PLEKHA7: variants seen among roughly 807,000 people sequenced by gnomAD.
PLEKHA7 encodes the protein pleckstrin homology domain-containing family A member 7.
In PLEKHA7, 104 loss-of-function variants were observed where a neutral mutation model predicts 170.0. The observed-to-expected ratio is 0.61, with a 90% CI of 0.52 to 0.72. The LOEUF is 0.72. Among genes scored for constraint, PLEKHA7 ranks in the 30% least tolerant of loss-of-function variants. PLEKHA7 has a pLI of 0.00. For missense variants in PLEKHA7, 1,615 were observed against 1,671.7 expected (o/e 0.97, Z 0.59); for synonymous variants, 648 against 660.8 (o/e 0.98, Z 0.30).
chr11:16,889,400 CAAAAAAAA>C (rs869268116), intron 3 of PLEKHA7, among the ~76,000 whole-genome samples: 6 of 52,730 alleles, frequency 1.1e-4, no homozygotes, highest in African/African-American at 3.5e-4. Context: ...CTTTATTGCT[CAAAAAAAA>C]AAAAAAAAAA....
intron 15 of PLEKHA7, among the ~76,000 whole-genome samples, chr11:16,802,156 G>A (rs574853401): frequency 1.3e-5 from 2 of 152,238 alleles, no homozygotes; most frequent in South Asian, 4.2e-4. Context: ...AGCCTCCTAG[G>A]GAAAAGAGTA....
intron 23 of PLEKHA7, chr11:16,788,859 T>G (rs780336116): frequency 1.7e-6 from 1 of 590,586 alleles, no homozygotes; most frequent in East Asian, 2.8e-5. Context: ...TGACTGGGTA[T>G]TTCCTCAGGC....
chr11:16,816,760 A>G (rs762898904), intron 11 of PLEKHA7, 40 bp downstream of exon 11: 1 of 1,588,690 alleles, frequency 6.3e-7, no homozygotes, highest in Non-Finnish European at 8.6e-7. Flanking sequence ...TGGCGCCCTC[A>G]TGATGACCCA....
At chr11:16,982,332 A>C (rs1863478243) in intron 3 of PLEKHA7, among the ~76,000 whole-genome samples, 1 of 152,208 alleles carries the variant, frequency 6.6e-6, no homozygotes, top group Admixed American at 6.5e-5. Flanking sequence ...CACCTCTGGG[A>C]CACAGGCAAG....
chr11:16,792,532 T>TAA (rs5789963), intron 19 of PLEKHA7, among the ~76,000 whole-genome samples: 6 of 136,162 alleles, frequency 4.4e-5, no homozygotes, highest in Non-Finnish European at 3.2e-5. Flanking sequence ...GTACTAAAAT[T>TAA]AAAAAAAAAA....
chr11:17,001,580 T>C (rs1056849537), intron 3 of PLEKHA7, among the ~76,000 whole-genome samples: 1 of 152,134 alleles, frequency 6.6e-6, no homozygotes, highest in Non-Finnish European at 1.5e-5. Flanking sequence ...AGGGCTGGAA[T>C]GGGATCTCTG....
At chr11:17,013,878 C>T in intron 3 of PLEKHA7, 111 bp downstream of exon 3, 3 of 1,247,750 alleles carry the variant, frequency 2.4e-6, no homozygotes, top group Non-Finnish European at 3.1e-6. Flanking sequence ...GCAGCGCGCG[C>T]CAACGAGCCC....
chr11:16,816,164 G>A lies in PLEKHA7; in HGVS notation c.1953+14C>T, dbSNP rs935289634. 6.3e-7 allele frequency: 1 copy of A among 1,597,998 alleles called. No homozygotes were observed. The highest frequency in any genetic ancestry group is 1.1e-5 in the South Asian group (1 of 90,724). The stretch of plus-strand genomic sequence containing the variant: ...GATAGGGCTTTGCAGGCTATGTCTT[G>A]TCATTCACCCTACCGATTTTCCATG... On this transcript the variant is annotated intron_variant, in intron 12 of 26. Coordinates refer to ENST00000531066, the MANE Select transcript of PLEKHA7 (RefSeq NM_001329630.2).
chr11:16,857,732 G>A (rs1178980852), intron 4 of PLEKHA7, among the ~76,000 whole-genome samples: 2 of 152,220 alleles, frequency 1.3e-5, no homozygotes, highest in Non-Finnish European at 2.9e-5. Flanking sequence ...TTGTTTGTTT[G>A]TTTTGAGATG....
intron 6 of PLEKHA7, among the ~76,000 whole-genome samples, chr11:16,853,933 C>T (rs1220471600): frequency 6.6e-6 from 1 of 152,146 alleles, no homozygotes; most frequent in Non-Finnish European, 1.5e-5. Context: ...CAAAGCTTCA[C>T]CAAAACTTAC....
At chr11:16,952,027 G>GTGC (rs1861435224) in intron 3 of PLEKHA7, among the ~76,000 whole-genome samples, 1 of 152,236 alleles carries the variant, frequency 6.6e-6, no homozygotes, top group South Asian at 2.1e-4. Flanking sequence ...ACACTGCTGA[G>GTGC]TGCTAATGCA....
At chr11:16,838,932 C>T (rs572461198) in intron 9 of PLEKHA7, among the ~76,000 whole-genome samples, 4 of 152,086 alleles carry the variant, frequency 2.6e-5, no homozygotes, top group Non-Finnish European at 4.4e-5. Context: ...ATGAGCCACC[C>T]GCCTCGGTCT....
intron 3 of PLEKHA7, among the ~76,000 whole-genome samples, chr11:16,882,901 G>T (rs1411169090): frequency 6.6e-6 from 1 of 151,350 alleles, no homozygotes; most frequent in Non-Finnish European, 1.5e-5. Context: ...GTTCAGAGTG[G>T]GTGTCGTCAT....
chr11:16,998,346 G>A (rs1385707187), intron 3 of PLEKHA7, among the ~76,000 whole-genome samples: 1 of 152,036 alleles, frequency 6.6e-6, no homozygotes, highest in African/African-American at 2.4e-5. Context: ...CTGACTCAAG[G>A]AGGCAATCAG....
intron 17 of PLEKHA7, among the ~76,000 whole-genome samples, chr11:16,798,712 C>A (rs1848399384): frequency 6.6e-6 from 1 of 152,142 alleles, no homozygotes; most frequent in Admixed American, 6.6e-5. Context: ...GGAAGATAAA[C>A]AGGTGCAGCC....
intron 3 of PLEKHA7, among the ~76,000 whole-genome samples, chr11:16,987,851 G>C (rs974411910): frequency 2.0e-5 from 3 of 151,872 alleles, no homozygotes; most frequent in Non-Finnish European, 4.4e-5. Flanking sequence ...CATTGCTACT[G>C]TCAGGAAACT....
intron 3 of PLEKHA7, among the ~76,000 whole-genome samples, chr11:16,961,444 T>TCC (rs536275859): frequency 5.0e-4 from 76 of 152,160 alleles, no homozygotes; most frequent in Non-Finnish European, 9.7e-4. Flanking sequence ...TTCCTCAGCT[T>TCC]CCAGCCAGGC....
intron 3 of PLEKHA7, among the ~76,000 whole-genome samples, chr11:16,952,351 GCC>G (rs1861456781): frequency 6.6e-6 from 1 of 152,150 alleles, no homozygotes. Context: ...AACTCAAGCA[GCC>G]ATATTAAGCT....
At chr11:16,936,061 C>T (rs2136361346) in intron 3 of PLEKHA7, among the ~76,000 whole-genome samples, 1 of 152,270 alleles carries the variant, frequency 6.6e-6, no homozygotes, top group East Asian at 1.9e-4. Flanking sequence ...CATTTGCCAA[C>T]CTTGCTGAAT....
Sources: gnomAD v4.1 joint callset for allele counts (sites outside exome capture counted in the v4.1 genomes callset) on GRCh38, gnomAD v4.1.1 for gene constraint, MANE v1.5 for transcripts, NCBI Gene and HGNC (gene_info 2026-07-23, HGNC 2026-07-21) for gene names.